The following CTNNA3 variants were observed in gnomAD, a reference collection of about 807,000 sequenced individuals.
CTNNA3 encodes catenin alpha 3.
In CTNNA3, 76 loss-of-function variants were observed where a neutral mutation model predicts 95.7. That is an observed-to-expected ratio of 0.79 (90% CI 0.66 to 0.96). CTNNA3 has a LOEUF of 0.96. Ranked by LOEUF, CTNNA3 falls within the 40% of genes least tolerant of loss-of-function variation. CTNNA3 has a pLI of 0.00. For missense variants in CTNNA3, 1,191 were observed against 1,089.8 expected (o/e 1.09, Z -1.31); for synonymous variants, 431 against 374.4 (o/e 1.15, Z -1.74).
chr10:66,648,980 A>C (rs1383164425), intron 9 of CTNNA3, among the ~76,000 whole-genome samples: 1 of 152,144 alleles, frequency 6.6e-6, no homozygotes, highest in African/African-American at 2.4e-5. Flanking sequence ...TAGGAGAAGA[A>C]TACCTAGGGC....
At chr10:67,335,246 G>A (rs1230445806) in intron 5 of CTNNA3, among the ~76,000 whole-genome samples, 1 of 152,118 alleles carries the variant, frequency 6.6e-6, no homozygotes, top group African/African-American at 2.4e-5. Context: ...GTATGAGTGA[G>A]GCTGCAATGG....
Position 66,453,423 on chromosome 10 carries a change from C to T in CTNNA3, c.1531+67194G>A, listed in dbSNP as rs1015680266. Among the ~76,000 whole-genome samples the T allele has an allele frequency of 6.6e-5, 10 of 152,206 alleles. 1 individual carries two copies. Among genetic ancestry groups the T allele is most frequent in the Admixed American group, 2.6e-4 (4 of 15,282 alleles). On this transcript the variant is annotated intron_variant, in intron 11 of 17. Transcript: ENST00000433211. Reference sequence around the variant, plus strand: ...GCCACTTGGCATCAGTTGTGAAAGTCCTTAGCAGAACCAGGTAACTAAAGC... The same window carrying T: ...GCCACTTGGCATCAGTTGTGAAAGTTCTTAGCAGAACCAGGTAACTAAAGC...
At chr10:67,130,689 T>C (rs1008873426) in intron 7 of CTNNA3, among the ~76,000 whole-genome samples, 4 of 152,108 alleles carry the variant, frequency 2.6e-5, no homozygotes, top group African/African-American at 9.7e-5. Context: ...AGCATAGTTA[T>C]GTTGAGCATG....
chr10:66,199,789 ATATATATATATATATATTTTTTTTT>A (rs1186179920), intron 13 of CTNNA3, among the ~76,000 whole-genome samples: 19 of 11,156 alleles, frequency 1.7e-3, no homozygotes, highest in Admixed American at 3.2e-3. Context: ...ATATATATAT[ATATATATATATATATATTTTTTTTT>A]TTTTTTTTTT....
intron 11 of CTNNA3, among the ~76,000 whole-genome samples, chr10:66,520,212 G>A (rs1469261185): frequency 1.2e-4 from 18 of 146,996 alleles, no homozygotes; most frequent in Admixed American, 1.2e-3. Context: ...ATGTTTACTG[G>A]ATTAAATAAA....
chr10:67,549,965 G>A (rs753765403), intron 3 of CTNNA3, among the ~76,000 whole-genome samples: 25 of 152,034 alleles, frequency 1.6e-4, no homozygotes, highest in Non-Finnish European at 1.0e-4. Flanking sequence ...TGAGATAAAT[G>A]AACTAATAAA....
intron 5 of CTNNA3, among the ~76,000 whole-genome samples, chr10:67,342,192 C>G (rs1842231392): frequency 6.7e-6 from 1 of 150,354 alleles, no homozygotes; most frequent in Non-Finnish European, 1.5e-5. Context: ...AGCTCCGCCT[C>G]CCGGGTTCAT....
In CTNNA3 at chr10:66,074,632, A is replaced by G. The variant is rs116484694; in HGVS notation, c.1978-5143T>C. Among the ~76,000 whole-genome samples, 387 of 151,900 alleles carry G rather than the reference A, an allele frequency of 2.5e-3. 6 individuals are homozygous for G. The highest frequency in any genetic ancestry group is 9.0e-3 in the African/African-American group (374 of 41,488). Reference sequence around the variant, plus strand: ...TATATGCCCCTTTCTCCATTCTTCAAGTGTGTGTAATTATTCTCTCAAAAT... The same window carrying G: ...TATATGCCCCTTTCTCCATTCTTCAGGTGTGTGTAATTATTCTCTCAAAAT... On this transcript the variant is annotated intron_variant, in intron 14 of 17. Coordinates refer to ENST00000433211, the MANE Select transcript of CTNNA3 (RefSeq NM_013266.4).
At chr10:67,165,067 T>C (rs139159638) in intron 7 of CTNNA3, among the ~76,000 whole-genome samples, 39 of 152,312 alleles carry the variant, frequency 2.6e-4, no homozygotes, top group African/African-American at 8.4e-4. Flanking sequence ...CAATTGTTCA[T>C]AGAAGCATTA....
intron 17 of CTNNA3, among the ~76,000 whole-genome samples, chr10:65,937,365 T>C (rs1422850529): frequency 6.6e-6 from 1 of 152,220 alleles, no homozygotes; most frequent in African/African-American, 2.4e-5. Flanking sequence ...GAGCATGTTA[T>C]AGTCTCAAAC....
chr10:65,949,114 C>G (rs1023815802), intron 17 of CTNNA3, among the ~76,000 whole-genome samples: 1 of 151,986 alleles, frequency 6.6e-6, no homozygotes, highest in Middle Eastern at 3.2e-3. Context: ...TTTTGCTTGT[C>G]TTTTCTTTCT....
chr10:66,079,934 T>C (rs2080689810), intron 14 of CTNNA3, among the ~76,000 whole-genome samples: 1 of 152,092 alleles, frequency 6.6e-6, no homozygotes, highest in Non-Finnish European at 1.5e-5. Flanking sequence ...TACTAGGTTT[T>C]TAAAAAGGTA....
At chr10:67,266,447 T>C (rs902111138) in intron 5 of CTNNA3, among the ~76,000 whole-genome samples, 6 of 152,112 alleles carry the variant, frequency 3.9e-5, no homozygotes, top group Admixed American at 2.0e-4. Flanking sequence ...GGTTGGCATT[T>C]TTCCCCCTCT....
At chr10:67,610,241 C>A (rs1010316349) in intron 2 of CTNNA3, among the ~76,000 whole-genome samples, 1 of 152,146 alleles carries the variant, frequency 6.6e-6, no homozygotes, top group African/African-American at 2.4e-5. Flanking sequence ...TTAAAATGAG[C>A]GTTCCAGAAA....
intron 12 of CTNNA3, 90 bp from the exon 13 acceptor site, chr10:66,280,711 A>G (rs2091477911): frequency 1.0e-6 from 1 of 965,858 alleles, no homozygotes; most frequent in African/African-American, 1.7e-5. Flanking sequence ...TTTGGTTTTA[A>G]ACAAATATTT....
chr10:66,485,725 A>C (rs1463437642), intron 11 of CTNNA3, among the ~76,000 whole-genome samples: 2 of 152,178 alleles, frequency 1.3e-5, no homozygotes, highest in Admixed American at 1.3e-4. Flanking sequence ...TATTTTTCAC[A>C]GAAATAGAAA....
chr10:66,996,384 G>A (rs71496025), intron 7 of CTNNA3, among the ~76,000 whole-genome samples: 16,576 of 152,036 alleles, frequency 0.11, 1,260 homozygotes, highest in African/African-American at 0.21. Flanking sequence ...AATGGCTCAC[G>A]CCTGTAATCC....
At chr10:66,407,368 A>G (rs1023840356) in intron 11 of CTNNA3, among the ~76,000 whole-genome samples, 24 of 151,456 alleles carry the variant, frequency 1.6e-4, no homozygotes, top group Non-Finnish European at 3.2e-4. Context: ...TATCAAGTGG[A>G]TGGGCCTGTT....
chr10:66,074,868 C>T (rs921958379), intron 14 of CTNNA3, among the ~76,000 whole-genome samples: 11 of 151,528 alleles, frequency 7.3e-5, no homozygotes, highest in South Asian at 4.2e-4. Flanking sequence ...AAAATAAGTC[C>T]TCTTAAAGTA....
Sources: gnomAD v4.1 joint callset for allele counts (sites outside exome capture counted in the v4.1 genomes callset) on GRCh38, gnomAD v4.1.1 for gene constraint, MANE v1.5 for transcripts, NCBI Gene and HGNC (gene_info 2026-07-23, HGNC 2026-07-21) for gene names.